Variants in FAM78B observed in about 807,000 individuals in gnomAD.
FAM78B encodes family with sequence similarity 78 member B.
Under a neutral mutation model 20.0 loss-of-function variants are expected in FAM78B, and 10 were observed. The ratio of observed to expected loss-of-function variants is 0.50; its 90% confidence interval spans 0.31 to 0.85. The LOEUF (loss-of-function observed/expected upper bound fraction) is 0.85, where lower values mean the gene tolerates loss of function less well. FAM78B is among the 40% of genes least tolerant of loss of function. The probability of loss-of-function intolerance (pLI) is 0.05; values close to 1 mark genes in which losing one functional copy is unlikely to be tolerated. For missense variants in FAM78B, 283 were observed against 345.0 expected, an observed-to-expected ratio of 0.82 and a Z score of 1.42; for synonymous variants, 135 against 132.8, an observed-to-expected ratio of 1.02 and a Z score of -0.12.
intron 1 of FAM78B, among the ~76,000 whole-genome samples, chr1:166,135,056 T>A (rs982881019): frequency 6.6e-6 from 1 of 152,040 alleles, no homozygotes; most frequent in East Asian, 1.9e-4. Flanking sequence ...TATGTTACTA[T>A]GCAAACACAT....
intron 1 of FAM78B, among the ~76,000 whole-genome samples, chr1:166,073,990 G>T (rs1285077573): frequency 6.6e-6 from 1 of 152,118 alleles, no homozygotes; most frequent in East Asian, 1.9e-4. Context: ...CAAGCCCTCA[G>T]CATCTCTTAC....
At chr1:166,109,217 C>CA (rs1292547893) in intron 1 of FAM78B, among the ~76,000 whole-genome samples, 1 of 152,122 alleles carries the variant, frequency 6.6e-6, no homozygotes. Context: ...GCAGAGTAAA[C>CA]AGACAACCCA....
chr1:166,109,890 G>GTATATGTATATA (rs1653970010), intron 1 of FAM78B, among the ~76,000 whole-genome samples: 1 of 23,192 alleles, frequency 4.3e-5, no homozygotes, highest in Non-Finnish European at 1.1e-4. Flanking sequence ...ATGTATATAT[G>GTATATGTATATA]TATATATATA....
chr1:166,140,152 C>A (rs1453665669), intron 1 of FAM78B, among the ~76,000 whole-genome samples: 2 of 152,230 alleles, frequency 1.3e-5, no homozygotes. Context: ...CTGGACATTC[C>A]AGGAGCAGTA....
chr1:166,081,334 CTAAG>C (rs1652564527), intron 1 of FAM78B: 1 of 152,200 alleles, frequency 6.6e-6, no homozygotes. Context: ...CTTGTGCCCT[CTAAG>C]TAAGTTGCCC....
At chr1:166,065,551 G>A (rs1316264640), downstream of FAM78B, among the ~76,000 whole-genome samples, 1 of 152,140 alleles carries the variant, frequency 6.6e-6, no homozygotes, top group Non-Finnish European at 1.5e-5. Flanking sequence ...AAACTGTAAA[G>A]CACTTATACA....
intron 1 of FAM78B, among the ~76,000 whole-genome samples, chr1:166,105,348 G>A (rs1298019378): frequency 6.6e-6 from 1 of 151,984 alleles, no homozygotes; most frequent in Non-Finnish European, 1.5e-5. Context: ...AGCCAAAATT[G>A]ACAAATGGGA....
intron 1 of FAM78B, among the ~76,000 whole-genome samples, chr1:166,106,079 C>T (rs1483027693): frequency 6.6e-6 from 1 of 150,890 alleles, no homozygotes; most frequent in African/African-American, 2.4e-5. Context: ...AGATGGAAAC[C>T]ATCATTCTCA....
chr1:166,139,513 AT>A (rs1353068647), intron 1 of FAM78B, among the ~76,000 whole-genome samples: 1 of 152,178 alleles, frequency 6.6e-6, no homozygotes, highest in Non-Finnish European at 1.5e-5. Context: ...TAAAATGGCC[AT>A]AGTGATAGAG....
At chr1:166,160,066 T>C in intron 1 of FAM78B, among the ~76,000 whole-genome samples, 1 of 152,138 alleles carries the variant, frequency 6.6e-6, no homozygotes, top group Non-Finnish European at 1.5e-5. Flanking sequence ...TGGAATGAAA[T>C]GGAAATGGCG....
At chr1:166,098,179 G>A (rs556852244) in intron 1 of FAM78B, among the ~76,000 whole-genome samples, 1 of 152,208 alleles carries the variant, frequency 6.6e-6, no homozygotes, top group South Asian at 2.1e-4. Flanking sequence ...AGGAAAAGGG[G>A]GAGAGTACTA....
chr1:166,132,132 T>C (rs1317141211), intron 1 of FAM78B, among the ~76,000 whole-genome samples: 1 of 152,228 alleles, frequency 6.6e-6, no homozygotes, highest in Non-Finnish European at 1.5e-5. Flanking sequence ...ACATATTAGC[T>C]GTCATCATAA....
intron 1 of FAM78B, among the ~76,000 whole-genome samples, chr1:166,132,449 T>C (rs1654910348): frequency 6.6e-6 from 1 of 152,186 alleles, no homozygotes; most frequent in Admixed American, 6.5e-5. Context: ...CTTACCTTTA[T>C]TGGGTAATTG....
downstream of FAM78B, among the ~76,000 whole-genome samples, chr1:166,057,258 A>C (rs552642206): frequency 6.6e-6 from 1 of 152,238 alleles, no homozygotes; most frequent in South Asian, 2.1e-4. Context: ...TTTGGACCAA[A>C]TTTGATGGCA....
At chr1:166,118,203 GTTGCCTCCTTAGATGACAGGCTCT>G (rs1342736381) in intron 1 of FAM78B, among the ~76,000 whole-genome samples, 4 of 152,194 alleles carry the variant, frequency 2.6e-5, no homozygotes, top group Non-Finnish European at 4.4e-5. Flanking sequence ...GATGGAGTGG[GTTGCCTCCTTAGATGACAGGCTCT>G]TTGCAGAATA....
At chr1:166,091,156 G>C (rs976994155) in intron 1 of FAM78B, among the ~76,000 whole-genome samples, 8 of 152,106 alleles carry the variant, frequency 5.3e-5, no homozygotes, top group Admixed American at 5.2e-4. Context: ...ACTTGTTTCT[G>C]TATTTCTTAA....
Position 166,093,352 on chromosome 1 carries a change from C to T in FAM78B, c.264-22589G>A, listed in dbSNP as rs899844488. 3.3e-5 allele frequency among the ~76,000 whole-genome samples: 5 copies of T among 152,112 alleles called. No individual in the cohort carries two copies. In the South Asian group the frequency reaches 1.0e-3, roughly 32 times the overall value. Reference sequence around the variant, plus strand: ...AAAATGATAAAAATGATTTTAAATCCTCATCTCCAAGCAGAGGTTCCAAGT... The same window carrying T: ...AAAATGATAAAAATGATTTTAAATCTTCATCTCCAAGCAGAGGTTCCAAGT... On this transcript the variant is annotated intron_variant, in intron 1 of 1. Transcript: ENST00000354422.
chr1:166,075,183 A>G (rs193128851), intron 1 of FAM78B, among the ~76,000 whole-genome samples: 150 of 152,246 alleles, frequency 9.9e-4, no homozygotes, highest in African/African-American at 3.3e-3. Flanking sequence ...AGAGTAATGA[A>G]AAAAGTAGGA....
intron 1 of FAM78B, chr1:166,082,865 A>ACGAGTGTC (rs140011435): frequency 0.011 from 1,667 of 152,354 alleles, 18 homozygotes; most frequent in East Asian, 0.055. Flanking sequence ...ACACATTGGA[A>ACGAGTGTC]CGAGTGTCCC....
Sources: allele counts gnomAD v4.1 joint callset (sites outside exome capture counted in the v4.1 genomes callset), GRCh38; gene constraint gnomAD v4.1.1; transcripts MANE v1.5; gene names NCBI Gene and HGNC (gene_info 2026-07-23, HGNC 2026-07-21).